GUCY1A2: variants seen among roughly 807,000 people sequenced by gnomAD.
GUCY1A2 encodes guanylate cyclase 1 soluble subunit alpha 2, also known as guanylate cyclase soluble subunit alpha-2.
In GUCY1A2, 27 loss-of-function variants were observed where a neutral mutation model predicts 63.5. That is an observed-to-expected ratio of 0.43 (90% confidence interval 0.31 to 0.59). The LOEUF (loss-of-function observed/expected upper bound fraction) is 0.59. Among genes scored for constraint, GUCY1A2 ranks in the 20% least tolerant of loss-of-function variants. The pLI is 0.11. For synonymous variants in GUCY1A2, 364 were observed against 343.5 expected, an observed-to-expected ratio of 1.06 and a Z score of -0.66; for missense variants, 768 against 913.3, an observed-to-expected ratio of 0.84 and a Z score of 2.05.
intron 1 of GUCY1A2, among the ~76,000 whole-genome samples, chr11:106,993,581 C>T (rs1426727716): frequency 6.6e-6 from 1 of 151,892 alleles, no homozygotes; most frequent in African/African-American, 2.4e-5. Context: ...TGAGTCAGGA[C>T]CTCTATATTA....
intron 1 of GUCY1A2, among the ~76,000 whole-genome samples, chr11:107,008,920 T>C (rs1861707531): frequency 6.6e-6 from 1 of 152,220 alleles, no homozygotes; most frequent in Non-Finnish European, 1.5e-5. Flanking sequence ...ATTCTGATTT[T>C]TGCCATTGGC....
chr11:106,853,376 CTGGGT>C (rs2135452016), intron 4 of GUCY1A2, among the ~76,000 whole-genome samples: 1 of 151,318 alleles, frequency 6.6e-6, no homozygotes, highest in East Asian at 2.0e-4. Flanking sequence ...TTTATTGGGG[CTGGGT>C]TATTTTGGAA....
intron 5 of GUCY1A2, among the ~76,000 whole-genome samples, chr11:106,780,571 T>A (rs1307527136): frequency 6.6e-6 from 1 of 152,158 alleles, no homozygotes; most frequent in Non-Finnish European, 1.5e-5. Context: ...TCTGACCCAA[T>A]TGTACAGGAG....
rs901294007 is a variant in GUCY1A2 at position 106,684,171 on chromosome 11, C to G, written c.*3378G>C. 5.4e-6 allele frequency: 1 copy of G among 184,576 alleles called. No individual in the cohort carries two copies. Among genetic ancestry groups the G allele is most frequent in the African/African-American group, 2.3e-5 (1 of 42,600 alleles). The allele number at this position is 184,576 out of a possible 1,614,324, so 11.4% of individuals were successfully genotyped here. On this transcript the variant is annotated 3_prime_UTR_variant, in exon 8 of 8. Transcript: ENST00000526355. ...GGAAGGAGTGCAAGACTGTAAGAAA[C>G]AACATTTGAAGTGCTGAACCTACAG...
intron 3 of GUCY1A2, among the ~76,000 whole-genome samples, chr11:106,951,295 T>C (rs889565222): frequency 2.4e-4 from 37 of 152,364 alleles, no homozygotes; most frequent in African/African-American, 8.7e-4. Context: ...TTTCTGGTTC[T>C]AGATCCTTGA....
intron 4 of GUCY1A2, among the ~76,000 whole-genome samples, chr11:106,913,986 C>CAAAAAAAAAAAAAAAAGAAAAAAA (rs1860331988): frequency 1.4e-5 from 1 of 71,246 alleles, no homozygotes; most frequent in Non-Finnish European, 3.2e-5. Flanking sequence ...AATGAAAAAG[C>CAAAAAAAAAAAAAAAAGAAAAAAA]AAAAAAAAAA....
At chr11:106,761,099 C>A (rs939844171) in intron 6 of GUCY1A2, among the ~76,000 whole-genome samples, 5 of 152,048 alleles carry the variant, frequency 3.3e-5, no homozygotes, top group African/African-American at 1.2e-4. Flanking sequence ...AGAAAAACTA[C>A]AATATTATTT....
intron 7 of GUCY1A2, among the ~76,000 whole-genome samples, chr11:106,696,817 C>T (rs1431039148): frequency 7.9e-5 from 12 of 152,078 alleles, no homozygotes; most frequent in Non-Finnish European, 1.3e-4. Context: ...CTCAGAAATA[C>T]TCATTTTTGT....
intron 4 of GUCY1A2, among the ~76,000 whole-genome samples, chr11:106,811,126 AATAATT>A (rs1268564006): frequency 1.3e-5 from 2 of 152,224 alleles, no homozygotes; most frequent in East Asian, 3.9e-4. Context: ...ATGAAAAAAT[AATAATT>A]ATAATACTAA....
At chr11:106,994,543 T>C (rs904240263) in intron 1 of GUCY1A2, among the ~76,000 whole-genome samples, 30 of 152,372 alleles carry the variant, frequency 2.0e-4, no homozygotes, top group Middle Eastern at 3.4e-3. Context: ...TAACACATTA[T>C]GGTTTTTACA....
intron 6 of GUCY1A2, among the ~76,000 whole-genome samples, chr11:106,739,147 T>C (rs962633556): frequency 2.0e-5 from 3 of 152,162 alleles, no homozygotes; most frequent in East Asian, 1.9e-4. Flanking sequence ...TTATTCTCTT[T>C]GTAGCAATTG....
intron 1 of GUCY1A2, among the ~76,000 whole-genome samples, chr11:107,012,606 T>C (rs956646112): frequency 6.6e-6 from 1 of 152,166 alleles, no homozygotes; most frequent in Non-Finnish European, 1.5e-5. Flanking sequence ...AAACCGAAAT[T>C]TGTCAGACTC....
chr11:106,950,665 G>A (rs573904559), intron 3 of GUCY1A2, among the ~76,000 whole-genome samples: 22 of 152,134 alleles, frequency 1.4e-4, no homozygotes, highest in Non-Finnish European at 2.9e-4. Flanking sequence ...TCAAATTGGC[G>A]GCCACAGAAG....
chr11:106,863,048 C>T (rs1332674741), intron 4 of GUCY1A2, among the ~76,000 whole-genome samples: 2 of 152,050 alleles, frequency 1.3e-5, no homozygotes, highest in Admixed American at 1.3e-4. Context: ...CTGCTTAGTC[C>T]TCAAAGATAA....
intron 1 of GUCY1A2, among the ~76,000 whole-genome samples, chr11:107,012,287 T>C (rs1399269741): frequency 1.4e-5 from 2 of 147,920 alleles, no homozygotes; most frequent in Non-Finnish European, 1.5e-5. Context: ...GTACTTGACA[T>C]CTGTTAACCT....
chr11:106,743,678 G>A (rs1863736380), intron 6 of GUCY1A2, among the ~76,000 whole-genome samples: 1 of 152,094 alleles, frequency 6.6e-6, no homozygotes, highest in South Asian at 2.1e-4. Context: ...TTTTAATTAT[G>A]TGTTTCTGTA....
chr11:107,008,088 G>A (rs1423464819), intron 1 of GUCY1A2, among the ~76,000 whole-genome samples: 2 of 146,786 alleles, frequency 1.4e-5, no homozygotes, highest in East Asian at 4.6e-4. Flanking sequence ...TTCGACACCA[G>A]GCCCAGCCAA....
At chr11:106,855,512 C>A (rs1375181314) in intron 4 of GUCY1A2, among the ~76,000 whole-genome samples, 1 of 152,080 alleles carries the variant, frequency 6.6e-6, no homozygotes, top group Non-Finnish European at 1.5e-5. Context: ...CGGGATACTT[C>A]TAGTCAGCCA....
chr11:106,698,557 T>C (rs1473018959), intron 7 of GUCY1A2, among the ~76,000 whole-genome samples: 2 of 152,204 alleles, frequency 1.3e-5, no homozygotes, highest in African/African-American at 2.4e-5. Flanking sequence ...AGTTCTCTTA[T>C]ATTCTTTACT....
Sources: gnomAD v4.1 joint callset for allele counts (sites outside exome capture counted in the v4.1 genomes callset) on GRCh38, gnomAD v4.1.1 for gene constraint, MANE v1.5 for transcripts, NCBI Gene and HGNC (gene_info 2026-07-23, HGNC 2026-07-21) for gene names.